Variants in FNDC3A observed in about 807,000 individuals in gnomAD.
The protein encoded by FNDC3A is fibronectin type-III domain-containing protein 3A.
In FNDC3A, 32 loss-of-function variants were observed where a neutral mutation model predicts 148.9. The ratio of observed to expected loss-of-function variants is 0.21; its 90% CI spans 0.16 to 0.29. FNDC3A has a LOEUF of 0.29. Ranked by LOEUF, FNDC3A falls within the 10% of genes least tolerant of loss-of-function variation. The pLI is 1.00. For synonymous variants in FNDC3A, 472 were observed against 473.6 expected (o/e 1.00, Z 0.04); for missense variants, 1,191 against 1,452.8 (o/e 0.82, Z 2.93).
chr13:49,068,208 G>GTGTT (rs146978269), intron 2 of FNDC3A, among the ~76,000 whole-genome samples: 47,760 of 149,636 alleles, frequency 0.32, 7,742 homozygotes, highest in South Asian at 0.47. Flanking sequence ...GTGTGTGTGT[G>GTGTT]TGTAATTTAG....
At chr13:49,172,561 G>A (rs1299785572) in intron 11 of FNDC3A, among the ~76,000 whole-genome samples, 1 of 152,112 alleles carries the variant, frequency 6.6e-6, no homozygotes, top group Non-Finnish European at 1.5e-5. Context: ...GCTTCTGTAG[G>A]CTGTCCTCAT....
chr13:49,189,900 T>C (rs1885794124), intron 17 of FNDC3A, among the ~76,000 whole-genome samples: 1 of 152,240 alleles, frequency 6.6e-6, no homozygotes, highest in African/African-American at 2.4e-5. Flanking sequence ...GGCATTGTTT[T>C]TTTTGAGACA....
rs148580656 is a variant in FNDC3A at position 49,183,325 on chromosome 13, C to T, written c.1618-2639C>T. 5.1e-3 allele frequency among the ~76,000 whole-genome samples: 777 copies of T among 152,292 alleles called. 5 individuals are homozygous for T. The highest frequency in any genetic ancestry group is 0.018 in the African/African-American group (731 of 41,564). ...ATTTTAGGCCTTAGTAATCTTTGTC[C>T]TCCTGCCCCATTCTTTTGATATGCA... On this transcript the variant is annotated intron_variant, in intron 14 of 25. Transcript: ENST00000492622.
At position 49,017,102 on chromosome 13, in the gene FNDC3A, C is replaced by T. The variant is rs1376040998; in HGVS notation, c.99+10813C>T. ...TGTTGATTTGGGGTGGAGAGTTCTG[C>T]AGATGTCTATTAGGTCTGCTTGGTG... On this transcript the variant is annotated intron_variant, in intron 2 of 25. Coordinates refer to ENST00000492622, the MANE Select transcript of FNDC3A (RefSeq NM_001079673.2). Among the ~76,000 whole-genome samples, 460 of 152,102 alleles carry T rather than the reference C, an allele frequency of 3.0e-3. 3 individuals carry two copies. Among genetic ancestry groups the T allele is most frequent in the African/African-American group, 0.01 (415 of 41,446 alleles).
At chr13:49,131,498 T>C in intron 5 of FNDC3A, 124 bp downstream of exon 5, 1 of 749,998 alleles carries the variant, frequency 1.3e-6, no homozygotes, top group African/African-American at 1.7e-5. Flanking sequence ...GGCATTTTTC[T>C]TTTACTCAAG....
At position 49,174,553 on chromosome 13, in the gene FNDC3A, G is replaced by A. The variant is rs763578370; in HGVS notation, c.1349G>A (p.Gly450Asp). 6.2e-7 allele frequency: 1 copy of A among 1,610,894 alleles called. No homozygotes were observed. The highest frequency in any genetic ancestry group is 1.1e-5 in the South Asian group (1 of 90,782). ...KFRLSARNDY[G>D]TSGFSEEVLY... The stretch of plus-strand genomic sequence containing the variant: ...AGACTATCGGCCAGAAATGACTATG[G>A]TACAAGGTAAGGTGTACTTTATAAA... Residue 450 changes from glycine to aspartate, a missense_variant, in exon 12 of 26, where the codon GGT becomes GAT. Physicochemically the swap from Gly to Asp is moderately conservative, Grantham distance 94. This residue lies in a region of FNDC3A where 751 missense variants were observed against 944.0 expected (regional missense o/e 0.80). Coordinates refer to ENST00000492622, the MANE Select transcript of FNDC3A (RefSeq NM_001079673.2).
intron 3 of FNDC3A, chr13:49,095,370 A>G (rs1879456134): frequency 6.6e-6 from 1 of 152,024 alleles, no homozygotes. Context: ...GGATTCTGCC[A>G]CTCGGGATAG....
intron 2 of FNDC3A, among the ~76,000 whole-genome samples, chr13:49,024,692 A>T (rs930164781): frequency 1.3e-5 from 2 of 151,324 alleles, no homozygotes; most frequent in African/African-American, 2.4e-5. Flanking sequence ...TCATGATTTT[A>T]AAAAAAAACC....
At chr13:49,128,794 C>T (rs1881858375) in intron 4 of FNDC3A, among the ~76,000 whole-genome samples, 2 of 152,190 alleles carry the variant, frequency 1.3e-5, no homozygotes, top group South Asian at 4.1e-4. Flanking sequence ...GTATAATCAG[C>T]CCCACTTCTA....
intron 1 of FNDC3A, among the ~76,000 whole-genome samples, chr13:48,986,808 A>G (rs1951815424): frequency 6.6e-6 from 1 of 152,194 alleles, no homozygotes; most frequent in African/African-American, 2.4e-5. Flanking sequence ...CTCAGAAAGG[A>G]CTACTTTAAG....
chr13:49,121,766 T>C (rs553561571), intron 4 of FNDC3A, among the ~76,000 whole-genome samples: 1 of 152,312 alleles, frequency 6.6e-6, no homozygotes, highest in South Asian at 2.1e-4. Flanking sequence ...GGTAAACTCC[T>C]GGACGCATAC....
At chr13:49,158,812 G>A (rs985493440) in intron 8 of FNDC3A, among the ~76,000 whole-genome samples, 9 of 152,130 alleles carry the variant, frequency 5.9e-5, no homozygotes, top group Non-Finnish European at 5.9e-5. Context: ...TGTAAGGAAG[G>A]GATCCAGTTT....
At chr13:49,037,285 A>G (rs1874565641) in intron 2 of FNDC3A, among the ~76,000 whole-genome samples, 1 of 152,332 alleles carries the variant, frequency 6.6e-6, no homozygotes. Context: ...AACTCATTTA[A>G]TCATCACAAG....
chr13:49,177,405 A>G (rs771563670), intron 13 of FNDC3A, among the ~76,000 whole-genome samples: 34 of 152,178 alleles, frequency 2.2e-4, no homozygotes, highest in Non-Finnish European at 4.1e-4. Flanking sequence ...CTGACATCCT[A>G]TTACCTAGAG....
At position 49,207,687 on chromosome 13, in the gene FNDC3A, A is replaced by G. The variant is rs1886718192; in HGVS notation, c.*292A>G. On this transcript the variant is annotated 3_prime_UTR_variant, in exon 26 of 26. Coordinates refer to ENST00000492622, the MANE Select transcript of FNDC3A (RefSeq NM_001079673.2). ...TTATAGAAAAACTTTCTAAGAGGCA[A>G]CAATTTAGAATGGATATTTTGACGA... 7.1e-6 allele frequency: 2 copies of G among 282,926 alleles called. No homozygotes were observed. Among genetic ancestry groups the G allele is most frequent in the Admixed American group, 9.8e-5 (2 of 20,486 alleles). The allele number at this position is 282,926 out of a possible 1,614,324, so 17.5% of individuals were successfully genotyped here. A position where few individuals can be genotyped will look rare whatever the true frequency, so the allele number is the denominator to read the frequency against.
At chr13:49,179,984 T>C (rs1885224508) in intron 14 of FNDC3A, among the ~76,000 whole-genome samples, 1 of 152,234 alleles carries the variant, frequency 6.6e-6, no homozygotes, top group Non-Finnish European at 1.5e-5. Flanking sequence ...AGGAACTATA[T>C]GTGTGTATAT....
Position 49,185,620 on chromosome 13 carries a change from A to G in FNDC3A, c.1618-344A>G, listed in dbSNP as rs115454995. ...TCAGAGAATGTGTGGACCTCTTTCT[A>G]AACTCACAAAGAATGTTAAAAGAAG... On this transcript the variant is annotated intron_variant, in intron 14 of 25. Coordinates refer to ENST00000492622, the MANE Select transcript of FNDC3A (RefSeq NM_001079673.2). Among the ~76,000 whole-genome samples the G allele has an allele frequency of 3.0e-3, 453 of 152,342 alleles. 4 individuals are homozygous for G. The highest frequency in any genetic ancestry group is 0.01 in the African/African-American group (429 of 41,576).
chr13:49,134,841 C>CTTT (rs1168216037), intron 5 of FNDC3A, among the ~76,000 whole-genome samples: 72 of 2,636 alleles, frequency 0.027, 26 homozygotes, highest in Middle Eastern at 0.25. Flanking sequence ...GAGTTTCACT[C>CTTT]TTTTTTTTTT....
At chr13:49,054,353 C>T (rs1280888643) in intron 2 of FNDC3A, among the ~76,000 whole-genome samples, 2 of 152,176 alleles carry the variant, frequency 1.3e-5, no homozygotes, top group East Asian at 3.9e-4. Context: ...TGGTTGATGC[C>T]AGATTCCTGA....
Sources: allele counts gnomAD v4.1 joint callset (sites outside exome capture counted in the v4.1 genomes callset), GRCh38; gene constraint gnomAD v4.1.1; regional missense constraint gnomAD v4.1.1; transcripts MANE v1.5; gene names NCBI Gene and HGNC (gene_info 2026-07-23, HGNC 2026-07-21).